PRSS3: variants seen among roughly 807,000 people sequenced by gnomAD.
The protein encoded by PRSS3 is serine protease 3.
Under a neutral mutation model 20.8 loss-of-function variants are expected in PRSS3, and 14 were observed. The observed-to-expected ratio is 0.67, with a 90% CI of 0.44 to 1.05. The LOEUF is 1.05. PRSS3 is among the 50% of genes least tolerant of loss of function. PRSS3 has a pLI of 0.00. For synonymous variants in PRSS3, 91 were observed against 117.6 expected (o/e 0.77, Z 1.46); for missense variants, 237 against 306.4 (o/e 0.77, Z 1.69).
intron 1 of PRSS3, among the ~76,000 whole-genome samples, chr9:33,755,091 C>T (rs577514078): frequency 4.6e-5 from 7 of 152,228 alleles, no homozygotes; most frequent in African/African-American, 1.4e-4. Flanking sequence ...TAGGTCTGGG[C>T]TGGGTCTATA....
upstream of PRSS3, among the ~76,000 whole-genome samples, chr9:33,794,221 C>T (rs893136938): frequency 4.6e-5 from 7 of 150,944 alleles, no homozygotes; most frequent in African/African-American, 1.5e-4. Context: ...TTCACCATCT[C>T]CAGAACATCT....
intron 1 of PRSS3, among the ~76,000 whole-genome samples, chr9:33,788,862 A>G (rs954194748): frequency 9.2e-5 from 14 of 152,170 alleles, no homozygotes; most frequent in Non-Finnish European, 1.5e-4. Context: ...TTGCTTCTCT[A>G]TGCTACAATC....
chr9:33,798,991 C>T, intron 4 of PRSS3, 37 bp from the exon 5 acceptor site: 1 of 1,607,304 alleles, frequency 6.2e-7, no homozygotes, highest in Non-Finnish European at 8.5e-7. Flanking sequence ...CCTCCTCCAT[C>T]TCTCTCTTTA....
At chr9:33,759,788 A>G (rs1286717375) in intron 1 of PRSS3, among the ~76,000 whole-genome samples, 2 of 152,194 alleles carry the variant, frequency 1.3e-5, no homozygotes, top group East Asian at 1.9e-4. Context: ...TGATTAATCC[A>G]TGGGTGTGCA....
chr9:33,791,156 G>C (rs1824614451), upstream of PRSS3, among the ~76,000 whole-genome samples: 1 of 152,210 alleles, frequency 6.6e-6, no homozygotes, highest in Admixed American at 6.5e-5. Context: ...TGAATAGAAA[G>C]GTACACATGT....
chr9:33,779,744 C>T (rs371961922), intron 1 of PRSS3, among the ~76,000 whole-genome samples: 11 of 151,752 alleles, frequency 7.2e-5, no homozygotes, highest in African/African-American at 2.7e-4. Context: ...TGGCAGGTAC[C>T]TATAATCCCA....
At chr9:33,767,327 G>A (rs1823479391) in intron 1 of PRSS3, among the ~76,000 whole-genome samples, 1 of 151,944 alleles carries the variant, frequency 6.6e-6, no homozygotes, top group Non-Finnish European at 1.5e-5. Context: ...AAAGGGAAAT[G>A]TAAGTGTGAA....
intron 1 of PRSS3, among the ~76,000 whole-genome samples, chr9:33,772,535 A>G (rs541151998): frequency 6.6e-6 from 1 of 152,144 alleles, no homozygotes; most frequent in Non-Finnish European, 1.5e-5. Flanking sequence ...GATACAAAGA[A>G]TTTTAATTAT....
chr9:33,798,893 A>G (rs2119150695), intron 4 of PRSS3, 135 bp from the exon 5 acceptor site: 5 of 1,257,520 alleles, frequency 4.0e-6, no homozygotes, highest in Middle Eastern at 2.7e-4. Flanking sequence ...TAGGAAGAAC[A>G]GAGAATGGGC....
chr9:33,782,569 A>C (rs1306342775), intron 1 of PRSS3, among the ~76,000 whole-genome samples: 3 of 152,236 alleles, frequency 2.0e-5, no homozygotes, highest in Non-Finnish European at 2.9e-5. Context: ...TACTTTCACT[A>C]TCTGACTTCA....
At chr9:33,794,909 T>A, upstream of PRSS3, 1 of 1,549,028 alleles carries the variant, frequency 6.5e-7, no homozygotes, top group Non-Finnish European at 8.7e-7. Context: ...CCTCCTTCTT[T>A]GAAACACTTC....
upstream of PRSS3, among the ~76,000 whole-genome samples, chr9:33,792,497 AT>A (rs1563966581): frequency 6.6e-6 from 1 of 152,204 alleles, no homozygotes. Context: ...TAGATTGTTG[AT>A]TTGTAAAAAG....
rs142992912 is a variant in PRSS3, at chr9:33,788,359, T to A, written c.-52-6387T>A. The stretch of plus-strand genomic sequence containing the variant: ...TCCTGGCTCTGTAATGGATGCCTTA[T>A]AATGGCATTCAGAACAAGGTATTAT... On this transcript the variant is annotated intron_variant, in intron 1 of 5. Transcript: ENST00000342836. Among the ~76,000 whole-genome samples the A allele has an allele frequency of 7.4e-4, 112 of 152,340 alleles. 1 individual carries two copies. In the East Asian group the frequency reaches 0.019, roughly 26 times the overall value.
chr9:33,782,467 GT>G (rs1824227836), intron 1 of PRSS3, among the ~76,000 whole-genome samples: 2 of 152,126 alleles, frequency 1.3e-5, no homozygotes, highest in South Asian at 4.1e-4. Flanking sequence ...GTTAAAATGA[GT>G]ACCTAAGTCC....
chr9:33,793,058 ATTCC>A (rs917230615), upstream of PRSS3, among the ~76,000 whole-genome samples: 4 of 152,262 alleles, frequency 2.6e-5, no homozygotes, highest in African/African-American at 9.6e-5. Context: ...CTGTAAGGTC[ATTCC>A]TTTTTGAAGA....
rs371104161 is a variant in PRSS3 at position 33,797,928 on chromosome 9, C to T, written c.300C>T (p.Asn100=). ...AGATCATCCGCCACCCTAAATACAA[C>T]AGGGACACTCTGGACAATGACATCA... The part of the protein sequence containing the change: ...AAKIIRHPKY[N]RDTLDNDIML... Residue 100 remains asparagine (N), a synonymous_variant, in exon 3 of 5, where the codon AAC becomes AAT. Transcript: ENST00000379405. 51 of 1,614,158 alleles carry T rather than the reference C, an allele frequency of 3.2e-5. No homozygotes were observed. In the Middle Eastern group the frequency reaches 4.9e-4, roughly 16 times the overall value.
At chr9:33,755,610 A>G (rs1399765622) in intron 1 of PRSS3, among the ~76,000 whole-genome samples, 3 of 152,058 alleles carry the variant, frequency 2.0e-5, no homozygotes, top group Non-Finnish European at 4.4e-5. Flanking sequence ...TGTGTATATT[A>G]TTCCCAACTA....
At chr9:33,756,280 G>C (rs941411431) in intron 1 of PRSS3, among the ~76,000 whole-genome samples, 2 of 152,034 alleles carry the variant, frequency 1.3e-5, no homozygotes, top group Admixed American at 1.3e-4. Flanking sequence ...TCTAATTCCT[G>C]ATCCCTTGTA....
chr9:33,768,988 TGA>T (rs1438663731), intron 1 of PRSS3, among the ~76,000 whole-genome samples: 1 of 152,202 alleles, frequency 6.6e-6, no homozygotes, highest in Non-Finnish European at 1.5e-5. Context: ...TGGACAGAAA[TGA>T]GAACATGGTA....
Sources: allele counts gnomAD v4.1 joint callset (sites outside exome capture counted in the v4.1 genomes callset), GRCh38; gene constraint gnomAD v4.1.1; transcripts MANE v1.5; gene names NCBI Gene and HGNC (gene_info 2026-07-23, HGNC 2026-07-21).